The following SAMD11 variants were observed in gnomAD, a reference collection of about 807,000 sequenced individuals.
SAMD11 encodes the protein sterile alpha motif domain-containing protein 11.
SAMD11 carries 77 observed loss-of-function variants against 64.4 expected under a neutral mutation model. That is an observed-to-expected ratio of 1.20 (90% CI 0.99 to 1.44). The LOEUF is 1.44. Among genes scored for constraint, SAMD11 ranks in the 40% most tolerant of loss-of-function variants. The pLI is 0.00. For synonymous variants in SAMD11, 658 were observed against 421.9 expected (o/e 1.56, Z -6.86); for missense variants, 1,402 against 943.3 (o/e 1.49, Z -6.37).
chr1:926,252 G>A (rs1640883466), intron 2 of SAMD11, among the ~76,000 whole-genome samples: 1 of 152,216 alleles, frequency 6.6e-6, no homozygotes, highest in South Asian at 2.1e-4. Context: ...GGGGGGCCGC[G>A]CTTGTCTTAG....
At chr1:936,747 C>T (rs1036758385) in intron 5 of SAMD11, among the ~76,000 whole-genome samples, 4 of 152,194 alleles carry the variant, frequency 2.6e-5, no homozygotes, top group Middle Eastern at 3.2e-3. Flanking sequence ...CGTCCTCGTG[C>T]ACCTAGGAAG....
intron 2 of SAMD11, among the ~76,000 whole-genome samples, chr1:929,007 A>G (rs541357832): frequency 6.6e-6 from 1 of 152,288 alleles, no homozygotes; most frequent in African/African-American, 2.4e-5. Context: ...GGAGTGAGTT[A>G]GACGCTCTCA....
chr1:943,802 G>C lies in SAMD11; in HGVS notation c.2283G>C (p.Arg761=), dbSNP rs773917565. ...AGCTGGGGCCCGCCCTCAAGATCCGGGCCCAGGTGAGACGCTGGGGAGTGA... is the reference window on the plus strand; with the variant it reads ...AGCTGGGGCCCGCCCTCAAGATCCGCGCCCAGGTGAGACGCTGGGGAGTGA... ...GLKLGPALKI[R]AQVARRLGRV... Residue 761 remains arginine, a synonymous_variant, in exon 13 of 14, where the codon CGG becomes CGC. Coordinates refer to ENST00000616016, the MANE Select transcript of SAMD11 (RefSeq NM_001385641.1). 24 of 1,612,806 alleles carry C rather than the reference G, an allele frequency of 1.5e-5. No homozygotes were observed. Among genetic ancestry groups the C allele is most frequent in the Non-Finnish European group, 2.0e-5 (24 of 1,179,966 alleles).
Position 942,574 on chromosome 1 carries a change from CG to C in SAMD11, c.1570del (p.Asp524ThrfsTer40). ...CCCGGCCCAGGCTGGAGCTGCCCGCCGACCTCCTGCGGCAGAAGGAGCTGGA... is the reference window on the plus strand; with the variant it reads ...CCCGGCCCAGGCTGGAGCTGCCCGCCACCTCCTGCGGCAGAAGGAGCTGGA... ...QNLARLELPA[D>X]LLRQKELESA... On this transcript the variant is annotated frameshift_variant, in exon 11 of 14. Transcript: ENST00000616016. LOFTEE classifies it high-confidence loss of function. 1 of 1,406,630 alleles carries C rather than the reference CG, an allele frequency of 7.1e-7. No individual in the cohort carries two copies. Among genetic ancestry groups the C allele is most frequent in the Non-Finnish European group, 9.2e-7 (1 of 1,089,372 alleles). The allele number at this position is 1,406,630 out of a possible 1,614,324, so 87.1% of individuals were successfully genotyped here.
At chr1:926,519 C>T (rs1041677829) in intron 2 of SAMD11, among the ~76,000 whole-genome samples, 10 of 152,262 alleles carry the variant, frequency 6.6e-5, no homozygotes, top group Admixed American at 4.6e-4. Flanking sequence ...CGAAGTGTGT[C>T]CTAGGGACGC....
In SAMD11 at chr1:943,392, C is replaced by T; in HGVS notation, c.2178+15C>T. The T allele has an allele frequency of 3.9e-6, 6 of 1,521,768 alleles. No individual in the cohort carries two copies. Among genetic ancestry groups the T allele is most frequent in the Non-Finnish European group, 5.3e-6 (6 of 1,131,804 alleles). The allele number at this position is 1,521,768 out of a possible 1,614,324, so 94.3% of individuals were successfully genotyped here. A position where few individuals can be genotyped will look rare whatever the true frequency, so the allele number is the denominator to read the frequency against. ...AGTACACTCGGGTAAGGGGGGGCCC[C>T]AGTTCCTGGGGCGGGGCTGGAGCTG... On this transcript the variant is annotated intron_variant, in intron 12 of 13. Coordinates refer to ENST00000616016, the MANE Select transcript of SAMD11 (RefSeq NM_001385641.1).
At position 943,982 on chromosome 1, in the gene SAMD11, G is replaced by T. The variant is rs1435053585; in HGVS notation, c.2364G>T (p.Leu788=). Residue 788 remains leucine (L), a synonymous_variant, in exon 14 of 14, where the codon CTG becomes CTT. Transcript: ENST00000616016. The part of the protein sequence containing the change: ...PVALPLQPPT[L]RAPERELGTG... Reference sequence around the variant, plus strand: ...CTCTGCCACTGCAGCCACCAACCCTGCGGGCCCCGGAGCGAGAACTCGGCA... The same window carrying T: ...CTCTGCCACTGCAGCCACCAACCCTTCGGGCCCCGGAGCGAGAACTCGGCA... The T allele has an allele frequency of 6.2e-7, 1 of 1,612,788 alleles. No individual in the cohort carries two copies. Among genetic ancestry groups the T allele is most frequent in the Non-Finnish European group, 8.5e-7 (1 of 1,179,976 alleles).
chr1:930,963 G>A, intron 3 of SAMD11, 76 bp from the exon 4 acceptor site: 1 of 1,454,818 alleles, frequency 6.9e-7, no homozygotes, highest in Non-Finnish European at 9.6e-7. Flanking sequence ...AGACAGGTCT[G>A]CGCACGCCCT....
rs1641996088 is a variant in SAMD11 at position 944,026 on chromosome 1, C to A, written c.2408C>A (p.Ser803Tyr). The stretch of plus-strand genomic sequence containing the variant: ...CTCGGCACAGGAGAGCAGCCCTTGT[C>A]CCCCACGACGGCCACGTCCCCCTAT... Reference protein sequence around the residue: ...RELGTGEQPLSPTTATSPYGG... With the variant: ...RELGTGEQPLYPTTATSPYGG... Residue 803 changes from serine (S) to tyrosine (Y), a missense_variant, in exon 14 of 14, where the codon TCC becomes TAC. Ser to Tyr is a moderately radical substitution (Grantham distance 144, BLOSUM62 -2). Transcript: ENST00000616016. 6.2e-6 allele frequency: 10 copies of A among 1,612,886 alleles called. No homozygotes were observed. Among genetic ancestry groups the A allele is most frequent in the Non-Finnish European group, 8.5e-6 (10 of 1,179,994 alleles).
intron 2 of SAMD11, 99 bp downstream of exon 2, chr1:926,112 C>T: frequency 1.7e-6 from 2 of 1,180,064 alleles, no homozygotes; most frequent in South Asian, 1.2e-5. Flanking sequence ...CCTAACCTCA[C>T]CCCTGCGGGT....
chr1:938,793 T>C (rs891870213), intron 5 of SAMD11, among the ~76,000 whole-genome samples: 1 of 152,192 alleles, frequency 6.6e-6, no homozygotes, highest in African/African-American at 2.4e-5. Flanking sequence ...GTGCCTGCTG[T>C]GGATCTCTTC....
At chr1:941,035 G>A (rs1005267111) in intron 7 of SAMD11, 109 bp from the exon 8 acceptor site, 2 of 1,051,100 alleles carry the variant, frequency 1.9e-6, no homozygotes, top group African/African-American at 1.6e-5. Context: ...GGCCGAGCAC[G>A]GCCGAGTGGT....
Position 942,841 on chromosome 1 carries a change from G to A in SAMD11, c.1836G>A (p.Glu612=), listed in dbSNP as rs1641872775. Residue 612 remains glutamate, a synonymous_variant, in exon 11 of 14, where the codon GAG becomes GAA. Coordinates refer to ENST00000616016, the MANE Select transcript of SAMD11 (RefSeq NM_001385641.1). ...PASARPSESK[E]MTGARLWAQD... ...CAGCGCGGCCCAGCGAGTCCAAGGA[G>A]ATGACGGGGGCTAGGCTCTGGGCAC... The A allele has an allele frequency of 1.3e-6, 2 of 1,551,392 alleles. No individual in the cohort carries two copies. The highest frequency in any genetic ancestry group is 1.4e-5 in the African/African-American group (1 of 73,180).
At position 926,010 on chromosome 1, in the gene SAMD11, G is replaced by T. The variant is rs889842126; in HGVS notation, c.606G>T (p.Pro202=). 1.2e-6 allele frequency: 2 copies of T among 1,611,398 alleles called. No individual in the cohort carries two copies. Among genetic ancestry groups the T allele is most frequent in the Admixed American group, 1.7e-5 (1 of 60,024 alleles). The change falls in exon 2 of 14, where the codon CCG becomes CCT. Residue 202 remains proline, a synonymous_variant. Transcript: ENST00000616016. ...CDCPGCRISS[P]VNRGRLADKR... is the part of the protein sequence containing the mutation. ...GCCCGGGCTGCCGAATATCCTCCCC[G>T]GTGGTGAGATGCGGGGCTCGGTTGG...
At position 943,310 on chromosome 1, in the gene SAMD11, CCAA is replaced by C; in HGVS notation, c.2112_2114del (p.Lys705del). On this transcript the variant is annotated inframe_deletion, in exon 12 of 14. Coordinates refer to ENST00000616016, the MANE Select transcript of SAMD11 (RefSeq NM_001385641.1). ...GAGGCCCCAGCCCCTGAGGACGTCA[CCAA>C]GTGGACCGTGGATGACGTCTGCAGC... 1 of 1,611,844 alleles carries C rather than the reference CCAA, an allele frequency of 6.2e-7. No individual in the cohort carries two copies. The highest frequency in any genetic ancestry group is 8.5e-7 in the Non-Finnish European group (1 of 1,179,280).
rs754095840 is a variant in SAMD11, at chr1:942,572, G to A, written c.1567G>A (p.Ala523Thr). 2 of 1,405,720 alleles carry A rather than the reference G, an allele frequency of 1.4e-6. No individual in the cohort carries two copies. The highest frequency in any genetic ancestry group is 1.8e-6 in the Non-Finnish European group (2 of 1,089,076). The allele number at this position is 1,405,720 out of a possible 1,614,324, so 87.1% of individuals were successfully genotyped here. A position where few individuals can be genotyped will look rare whatever the true frequency, so the allele number is the denominator to read the frequency against. The change falls in exon 11 of 14, where the codon GCC becomes ACC. Residue 523 changes from alanine to threonine, a missense_variant. By Grantham distance (58) the Ala-to-Thr change is moderately conservative. Coordinates refer to ENST00000616016, the MANE Select transcript of SAMD11 (RefSeq NM_001385641.1). ...KQNLARLELP[A>T]DLLRQKELES... ...CCCCCGGCCCAGGCTGGAGCTGCCC[G>A]CCGACCTCCTGCGGCAGAAGGAGCT...
At position 931,035 on chromosome 1, in the gene SAMD11, G is replaced by T; in HGVS notation, c.792-4G>T. ...ACATGGACCTTCTGCTTCCCTTCCT[G>T]CAGAGTCCACACCCACTGGGACGTG... is the stretch of plus-strand genomic sequence containing the variant. On this transcript the variant is annotated splice_polypyrimidine_tract_variant and splice_region_variant and intron_variant, in intron 3 of 13. Coordinates refer to ENST00000616016, the MANE Select transcript of SAMD11 (RefSeq NM_001385641.1). The T allele has an allele frequency of 1.9e-6, 3 of 1,612,386 alleles. No individual in the cohort carries two copies. Among genetic ancestry groups the T allele is most frequent in the Middle Eastern group, 3.3e-4 (2 of 5,998 alleles).
intron 4 of SAMD11, among the ~76,000 whole-genome samples, chr1:934,748 TG>T (rs1641334448): frequency 0.028 from 2 of 72 alleles, 1 homozygote; most frequent in African/African-American, 0.062. Flanking sequence ...GGGAGGCGGC[TG>T]CGTTACAGGT....
intron 1 of SAMD11, chr1:925,680 G>C (rs1640848840): frequency 7.1e-6 from 3 of 425,098 alleles, no homozygotes; most frequent in Non-Finnish European, 1.3e-5. Flanking sequence ...GCGCCGGGTG[G>C]GGACGCCCAG....
Sources: allele counts gnomAD v4.1 joint callset (sites outside exome capture counted in the v4.1 genomes callset), GRCh38; gene constraint gnomAD v4.1.1; transcripts MANE v1.5; gene names NCBI Gene and HGNC (gene_info 2026-07-23, HGNC 2026-07-21).